Variants in EPM2A observed in about 807,000 individuals in gnomAD.
EPM2A encodes EPM2A glucan phosphatase, laforin, also known as laforin.
Under a neutral mutation model 26.5 loss-of-function variants are expected in EPM2A, and 21 were observed. The observed-to-expected ratio is 0.79, with a 90% CI of 0.56 to 1.14. The LOEUF (loss-of-function observed/expected upper bound fraction) is 1.14, where lower values mean the gene tolerates loss of function less well. Ranked by LOEUF, EPM2A falls within the 50% of genes most tolerant of loss-of-function variation. EPM2A has a pLI of 0.00. For missense variants in EPM2A, 458 were observed against 440.8 expected (o/e 1.04, Z -0.35); for synonymous variants, 217 against 177.6 (o/e 1.22, Z -1.76).
intron 4 of EPM2A, among the ~76,000 whole-genome samples, chr6:145,471,066 A>G (rs1034243964): frequency 2.6e-5 from 4 of 152,260 alleles, no homozygotes; most frequent in East Asian, 1.9e-4. Context: ...AATGGCAGAA[A>G]CACAAGAGTC....
intron 1 of EPM2A, among the ~76,000 whole-genome samples, chr6:145,707,479 T>C (rs1782287820): frequency 2.0e-5 from 3 of 152,202 alleles, no homozygotes; most frequent in Non-Finnish European, 4.4e-5. Context: ...GCTCCCATAA[T>C]TTCCATGTGT....
At chr6:145,610,613 G>A (rs893302631) in intron 2 of EPM2A, among the ~76,000 whole-genome samples, 1 of 152,182 alleles carries the variant, frequency 6.6e-6, no homozygotes, top group African/African-American at 2.4e-5. Context: ...TAGTAAGCAT[G>A]TTTACAGTTG....
chr6:145,540,130 C>T (rs1780486667), intron 2 of EPM2A, among the ~76,000 whole-genome samples: 1 of 152,208 alleles, frequency 6.6e-6, no homozygotes, highest in East Asian at 1.9e-4. Context: ...CTGTGGCCCC[C>T]ATGGCACCAT....
Position 145,440,999 on chromosome 6 carries a change from T to C in EPM2A, c.556-56902A>G, listed in dbSNP as rs899984823. ...AGGTGGTGCCCCAGTAGGGACTCTG[T>C]ATGGTGACTCCAAACCCACATTTTC... On this transcript the variant is annotated intron_variant, in intron 4 of 4. Coordinates refer to the EPM2A transcript ENST00000638717. Among the ~76,000 whole-genome samples the C allele has an allele frequency of 1.3e-5, 2 of 152,212 alleles. 1 individual carries two copies. Among genetic ancestry groups the C allele is most frequent in the South Asian group, 4.1e-4 (2 of 4,834 alleles).
chr6:145,667,214 A>C, intron 2 of EPM2A, among the ~76,000 whole-genome samples: 1 of 107,106 alleles, frequency 9.3e-6, no homozygotes. Flanking sequence ...AACTACCATC[A>C]GAGTGAACAG....
downstream of EPM2A, among the ~76,000 whole-genome samples, chr6:145,496,728 A>ATGTTTTTTTGTTTTTTTTTTTTTT (rs779194973): frequency 9.4e-5 from 10 of 106,908 alleles, no homozygotes; most frequent in Non-Finnish European, 1.8e-4. Flanking sequence ...AGTTCCTGCA[A>ATGTTTTTTTGTTTTTTTTTTTTTT]TTTTTTTTTT....
At chr6:145,709,295 T>C (rs917950990) in intron 1 of EPM2A, among the ~76,000 whole-genome samples, 1 of 152,198 alleles carries the variant, frequency 6.6e-6, no homozygotes, top group Non-Finnish European at 1.5e-5. Context: ...ATGGTTTGGC[T>C]GTGTCCCCAC....
At chr6:145,552,548 T>C (rs891407604) in intron 2 of EPM2A, among the ~76,000 whole-genome samples, 17 of 152,072 alleles carry the variant, frequency 1.1e-4, no homozygotes, top group Admixed American at 1.1e-3. Context: ...AATTTGCCAC[T>C]AAAAGATTAC....
At chr6:145,433,729 T>C (rs1488707481) in intron 4 of EPM2A, among the ~76,000 whole-genome samples, 1 of 152,178 alleles carries the variant, frequency 6.6e-6, no homozygotes, top group East Asian at 1.9e-4. Flanking sequence ...TAAGAATACA[T>C]TGAATAAAAC....
chr6:145,442,463 A>T (rs994246799), intron 4 of EPM2A, among the ~76,000 whole-genome samples: 1 of 152,178 alleles, frequency 6.6e-6, no homozygotes, highest in Non-Finnish European at 1.5e-5. Context: ...GTGCCAGACA[A>T]GACAAGAGAG....
intron 2 of EPM2A, among the ~76,000 whole-genome samples, chr6:145,679,898 C>A (rs192924165): frequency 6.6e-6 from 1 of 152,032 alleles, no homozygotes; most frequent in East Asian, 1.9e-4. Context: ...CGAATATACA[C>A]GTGGAATACT....
chr6:145,694,051 A>C (rs1027276831), intron 1 of EPM2A, among the ~76,000 whole-genome samples: 1 of 152,004 alleles, frequency 6.6e-6, no homozygotes. Context: ...TAAATCCAGA[A>C]GTTTTGAAAT....
At chr6:145,513,041 A>G (rs979433041) in intron 2 of EPM2A, among the ~76,000 whole-genome samples, 4 of 152,298 alleles carry the variant, frequency 2.6e-5, no homozygotes, top group East Asian at 3.9e-4. Context: ...CAGACACAAC[A>G]AAACAAAAAT....
At chr6:145,697,528 C>T (rs1014410683) in intron 1 of EPM2A, among the ~76,000 whole-genome samples, 2 of 152,104 alleles carry the variant, frequency 1.3e-5, no homozygotes, top group Admixed American at 6.6e-5. Context: ...GGAATTTCCT[C>T]GTCCTAATAA....
chr6:145,512,624 T>C (rs960767076), intron 2 of EPM2A, among the ~76,000 whole-genome samples: 9 of 145,432 alleles, frequency 6.2e-5, no homozygotes, highest in African/African-American at 2.4e-4. Flanking sequence ...AGGCAGAGAA[T>C]TGCTTGAACC....
At chr6:145,671,228 T>A (rs576349612) in intron 2 of EPM2A, 2 of 1,037,374 alleles carry the variant, frequency 1.9e-6, no homozygotes, top group South Asian at 3.2e-5. Context: ...ATACAAGAAG[T>A]GTATACATAC....
At chr6:145,477,933 C>T (rs1173440287) in intron 4 of EPM2A, among the ~76,000 whole-genome samples, 1 of 151,614 alleles carries the variant, frequency 6.6e-6, no homozygotes, top group African/African-American at 2.4e-5. Flanking sequence ...CTATCTAGAG[C>T]AATCAAAAAA....
At chr6:145,398,170 A>G (rs1778431709) in intron 4 of EPM2A, among the ~76,000 whole-genome samples, 1 of 152,176 alleles carries the variant, frequency 6.6e-6, no homozygotes, top group African/African-American at 2.4e-5. Context: ...ACCTATAGAT[A>G]ATTAAAATAC....
At chr6:145,725,881 T>C (rs1295769824) in intron 1 of EPM2A, among the ~76,000 whole-genome samples, 1 of 152,050 alleles carries the variant, frequency 6.6e-6, no homozygotes, top group African/African-American at 2.4e-5. Context: ...CAGAACTTTA[T>C]ATTACAAAGA....
Sources: allele counts gnomAD v4.1 joint callset (sites outside exome capture counted in the v4.1 genomes callset), GRCh38; gene constraint gnomAD v4.1.1; transcripts MANE v1.5; gene names NCBI Gene and HGNC (gene_info 2026-07-23, HGNC 2026-07-21).